Variants in ANO3 observed in about 807,000 individuals in gnomAD.
ANO3 encodes anoctamin 3.
ANO3 carries 99 observed loss-of-function variants against 144.8 expected under a neutral mutation model. That is an observed-to-expected ratio of 0.68 (90% CI 0.58 to 0.81). The LOEUF (loss-of-function observed/expected upper bound fraction) is 0.81, where lower values mean the gene tolerates loss of function less well. Among genes scored for constraint, ANO3 ranks in the 30% least tolerant of loss-of-function variants. ANO3 has a pLI of 0.00. For synonymous variants in ANO3, 414 were observed against 392.6 expected (o/e 1.05, Z -0.64); for missense variants, 905 against 1,202.2 (o/e 0.75, Z 3.66).
intron 1 of ANO3, among the ~76,000 whole-genome samples, chr11:26,283,064 G>T (rs546434866): frequency 2.0e-5 from 3 of 150,340 alleles, no homozygotes; most frequent in African/African-American, 7.4e-5. Context: ...ATCTAAAATG[G>T]TTGATGAACT....
At chr11:26,377,643 T>C (rs1856453367) in intron 1 of ANO3, among the ~76,000 whole-genome samples, 1 of 152,180 alleles carries the variant, frequency 6.6e-6, no homozygotes, top group South Asian at 2.1e-4. Context: ...CTTACTGAAC[T>C]GTTGAAAGAC....
At chr11:26,658,036 C>A (rs1241016340) in intron 26 of ANO3, among the ~76,000 whole-genome samples, 2 of 152,044 alleles carry the variant, frequency 1.3e-5, no homozygotes, top group Non-Finnish European at 2.9e-5. Context: ...CCAAAAAAAT[C>A]TCTGCCCAGG....
intron 1 of ANO3, among the ~76,000 whole-genome samples, chr11:26,191,170 G>A (rs1269681850): frequency 1.3e-5 from 2 of 152,060 alleles, no homozygotes; most frequent in Non-Finnish European, 2.9e-5. Flanking sequence ...CAGCTACTTG[G>A]GAGGCTGAGA....
At chr11:26,340,165 T>C (rs1855318503) in intron 1 of ANO3, among the ~76,000 whole-genome samples, 1 of 151,050 alleles carries the variant, frequency 6.6e-6, no homozygotes, top group South Asian at 2.1e-4. Flanking sequence ...TTCCTAAAAA[T>C]AACTCCTAAA....
At chr11:26,398,277 T>G (rs150118184) in intron 1 of ANO3, among the ~76,000 whole-genome samples, 1,576 of 152,110 alleles carry the variant, frequency 0.01, 14 homozygotes, top group Admixed American at 0.023. Context: ...TATAGTGAGT[T>G]TTTGCAGGTA....
At position 26,489,724 on chromosome 11, in the gene ANO3, A is replaced by G. The variant is rs1164611771; in HGVS notation, c.433-18380A>G. On this transcript the variant is annotated intron_variant, in intron 4 of 26. Transcript: ENST00000256737. Reference sequence around the variant, plus strand: ...CTGGAGTCAACAAAGATCATTTTGGAGCTTTAAAATTTGACTGCTCCACTG... The same window carrying G: ...CTGGAGTCAACAAAGATCATTTTGGGGCTTTAAAATTTGACTGCTCCACTG... Among the ~76,000 whole-genome samples, 5 of 152,260 alleles carry G rather than the reference A, an allele frequency of 3.3e-5. No individual in the cohort carries two copies. The East Asian group carries it at 9.7e-4, about 30-fold the overall frequency.
chr11:26,250,936 G>A (rs1564934099), intron 1 of ANO3, among the ~76,000 whole-genome samples: 4 of 152,104 alleles, frequency 2.6e-5, no homozygotes, highest in Admixed American at 2.0e-4. Flanking sequence ...GCCTATAGTT[G>A]GGCTAAATCA....
In ANO3 at chr11:26,417,626, A is replaced by G. The variant is rs543093362; in HGVS notation, c.47-24292A>G. On this transcript the variant is annotated intron_variant, in intron 1 of 26. Transcript: ENST00000256737. ...GGTACCTGTAGGTTACTGGTTAGCT[A>G]TTATAAAGAATATTAAAGTATACAT... is the stretch of plus-strand genomic sequence containing the variant. 3.6e-3 allele frequency among the ~76,000 whole-genome samples: 543 copies of G among 152,176 alleles called. 3 individuals carry two copies. The highest frequency in any genetic ancestry group is 0.019 in the South Asian group (90 of 4,824).
At chr11:26,200,856 T>C (rs1427479491) in intron 1 of ANO3, among the ~76,000 whole-genome samples, 1 of 152,168 alleles carries the variant, frequency 6.6e-6, no homozygotes, top group African/African-American at 2.4e-5. Context: ...AAAAAATTAT[T>C]GAATTTGTAC....
At chr11:26,499,128 C>T (rs1201869593) in intron 4 of ANO3, among the ~76,000 whole-genome samples, 1 of 151,860 alleles carries the variant, frequency 6.6e-6, no homozygotes, top group Non-Finnish European at 1.5e-5. Flanking sequence ...TATCTCATGA[C>T]ATTTTTCCAT....
intron 3 of ANO3, among the ~76,000 whole-genome samples, chr11:26,461,237 G>T (rs1264737105): frequency 2.6e-5 from 4 of 152,060 alleles, no homozygotes; most frequent in Non-Finnish European, 5.9e-5. Flanking sequence ...GTAGGGTTTT[G>T]GTAGCTGCTC....
chr11:26,194,357 A>G (rs941581393), intron 1 of ANO3, among the ~76,000 whole-genome samples: 1 of 152,044 alleles, frequency 6.6e-6, no homozygotes, highest in African/African-American at 2.4e-5. Context: ...TTAACATTAA[A>G]GAAGGACTTG....
intron 19 of ANO3, 46 bp from the exon 20 acceptor site, chr11:26,634,967 A>G (rs765889897): frequency 1.2e-5 from 18 of 1,515,422 alleles, no homozygotes; most frequent in Admixed American, 1.7e-5. Context: ...GATGTTCTTC[A>G]GTGAACCCCA....
chr11:26,466,972 C>G (rs1859622873), intron 4 of ANO3, among the ~76,000 whole-genome samples: 1 of 151,910 alleles, frequency 6.6e-6, no homozygotes, highest in South Asian at 2.1e-4. Flanking sequence ...AATAGCATAA[C>G]TGAAATCACA....
At chr11:26,576,529 A>C (rs925470109) in intron 14 of ANO3, among the ~76,000 whole-genome samples, 1 of 152,214 alleles carries the variant, frequency 6.6e-6, no homozygotes, top group African/African-American at 2.4e-5. Flanking sequence ...TATTAATTTC[A>C]TGAAAAATGA....
At chr11:26,564,068 T>A (rs1245702236) in intron 14 of ANO3, among the ~76,000 whole-genome samples, 1 of 151,848 alleles carries the variant, frequency 6.6e-6, no homozygotes, top group Non-Finnish European at 1.5e-5. Flanking sequence ...TTAATTTTCA[T>A]GTTAGAGTAC....
chr11:26,223,028 T>G (rs1462291872), intron 1 of ANO3, among the ~76,000 whole-genome samples: 1 of 152,152 alleles, frequency 6.6e-6, no homozygotes, highest in African/African-American at 2.4e-5. Flanking sequence ...CTGCTTGGAC[T>G]CTTCTGAAGA....
intron 7 of ANO3, among the ~76,000 whole-genome samples, chr11:26,526,637 C>A (rs1207975530): frequency 1.3e-5 from 2 of 152,148 alleles, no homozygotes; most frequent in African/African-American, 2.4e-5. Flanking sequence ...AAATGTCCAT[C>A]TGTTTTAAGC....
intron 18 of ANO3, among the ~76,000 whole-genome samples, chr11:26,630,261 A>C (rs369946404): frequency 6.6e-6 from 1 of 152,236 alleles, no homozygotes; most frequent in Non-Finnish European, 1.5e-5. Context: ...TGTAAAAACC[A>C]GAGTTTAAAA....
Sources: allele counts gnomAD v4.1 joint callset (sites outside exome capture counted in the v4.1 genomes callset), GRCh38; gene constraint gnomAD v4.1.1; transcripts MANE v1.5; gene names NCBI Gene and HGNC (gene_info 2026-07-23, HGNC 2026-07-21).